SNTG1: variants seen among roughly 807,000 people sequenced by gnomAD.
SNTG1 encodes gamma-1-syntrophin.
SNTG1 carries 39 observed loss-of-function variants against 74.7 expected under a neutral mutation model. The observed-to-expected ratio is 0.52, with a 90% confidence interval of 0.40 to 0.68. SNTG1 has a LOEUF of 0.68. SNTG1 is among the 30% of genes least tolerant of loss of function. SNTG1 has a pLI of 0.00. For missense variants in SNTG1, 685 were observed against 609.5 expected, an observed-to-expected ratio of 1.12 and a Z score of -1.30; for synonymous variants, 254 against 217.1, an observed-to-expected ratio of 1.17 and a Z score of -1.49.
intron 4 of SNTG1, among the ~76,000 whole-genome samples, chr8:50,416,133 A>C (rs143953191): frequency 3.9e-4 from 59 of 152,324 alleles, no homozygotes; most frequent in Non-Finnish European, 2.9e-4. Context: ...AATCTTAAAC[A>C]AAATGTCCCA....
chr8:50,351,933 C>T (rs2091673879), intron 2 of SNTG1, among the ~76,000 whole-genome samples: 1 of 152,124 alleles, frequency 6.6e-6, no homozygotes, highest in South Asian at 2.1e-4. Flanking sequence ...TATTGAGAAC[C>T]TACAAGTTAA....
intron 3 of SNTG1, among the ~76,000 whole-genome samples, chr8:50,394,843 T>A (rs1018990758): frequency 9.1e-6 from 1 of 110,468 alleles, no homozygotes; most frequent in African/African-American, 3.6e-5. Flanking sequence ...GAAGAAAAAC[T>A]AACTTTTTTT....
intron 2 of SNTG1, among the ~76,000 whole-genome samples, chr8:50,260,416 C>A (rs1009129773): frequency 2.6e-5 from 4 of 151,970 alleles, no homozygotes; most frequent in Non-Finnish European, 5.9e-5. Flanking sequence ...AAGCACGGGA[C>A]TATAGTACAC....
intron 2 of SNTG1, among the ~76,000 whole-genome samples, chr8:50,359,421 G>A (rs1587303221): frequency 1.3e-5 from 2 of 152,166 alleles, no homozygotes; most frequent in African/African-American, 4.8e-5. Context: ...TAAACCGCTG[G>A]CATTTAAGTG....
At position 50,656,916 on chromosome 8, in the gene SNTG1, A is replaced by G. The variant is rs1303867613; in HGVS notation, c.857A>G (p.Tyr286Cys). Reference sequence around the variant, plus strand: ...TATTCCATTTTCTTGCAGATTGTCTACATGGGCTGGTGTGAAGCCCGGGAG... The same window carrying G: ...TATTCCATTTTCTTGCAGATTGTCTGCATGGGCTGGTGTGAAGCCCGGGAG... ...RNFPVNQQIVYMGWCEAREQD... is the reference protein window; with the variant it reads ...RNFPVNQQIVCMGWCEAREQD... Residue 286 changes from tyrosine (Y) to cysteine (C), a missense_variant, in exon 14 of 19, where the codon TAC becomes TGC. Physicochemically the swap from Tyr to Cys is radical, Grantham distance 194. Coordinates refer to ENST00000642720, the MANE Select transcript of SNTG1 (RefSeq NM_018967.5). 4.4e-6 allele frequency: 7 copies of G among 1,603,666 alleles called. No homozygotes were observed. In the Admixed American group the frequency reaches 6.8e-5, roughly 15 times the overall value.
intron 13 of SNTG1, among the ~76,000 whole-genome samples, chr8:50,619,655 C>T (rs1479117278): frequency 3.4e-5 from 5 of 147,832 alleles, no homozygotes; most frequent in Non-Finnish European, 4.4e-5. Flanking sequence ...GGCATGAACC[C>T]GGGAGGCGGA....
intron 1 of SNTG1, among the ~76,000 whole-genome samples, chr8:49,999,775 C>T (rs779016505): frequency 3.3e-5 from 5 of 152,082 alleles, no homozygotes; most frequent in African/African-American, 7.2e-5. Flanking sequence ...TTCCTGTTTC[C>T]ACCTTCTGCT....
chr8:50,685,939 G>A (rs997413807), intron 15 of SNTG1, among the ~76,000 whole-genome samples: 4 of 152,132 alleles, frequency 2.6e-5, no homozygotes, highest in Non-Finnish European at 5.9e-5. Flanking sequence ...ATCACACTGT[G>A]TTATAGAGAC....
intron 17 of SNTG1, among the ~76,000 whole-genome samples, chr8:50,746,009 C>A (rs983977265): frequency 6.6e-5 from 10 of 151,844 alleles, no homozygotes; most frequent in African/African-American, 2.4e-4. Flanking sequence ...ATGTAAAAAT[C>A]ATTACGATGC....
At chr8:50,009,091 A>G (rs1815524904) in intron 1 of SNTG1, among the ~76,000 whole-genome samples, 1 of 152,118 alleles carries the variant, frequency 6.6e-6, no homozygotes, top group Non-Finnish European at 1.5e-5. Context: ...GCTTATTTGT[A>G]AGGATAATAT....
intron 1 of SNTG1, among the ~76,000 whole-genome samples, chr8:49,944,305 T>G (rs958440001): frequency 6.6e-6 from 1 of 152,088 alleles, no homozygotes; most frequent in Non-Finnish European, 1.5e-5. Flanking sequence ...AGAATTCTAT[T>G]TCAGGGATTA....
intron 13 of SNTG1, among the ~76,000 whole-genome samples, chr8:50,645,412 C>A (rs2131198383): frequency 6.6e-6 from 1 of 152,122 alleles, no homozygotes; most frequent in African/African-American, 2.4e-5. Flanking sequence ...GTTTTAAAGT[C>A]TGTCTGGTCC....
At chr8:50,330,384 G>T (rs1011167171) in intron 2 of SNTG1, among the ~76,000 whole-genome samples, 3 of 151,928 alleles carry the variant, frequency 2.0e-5, no homozygotes, top group Non-Finnish European at 4.4e-5. Context: ...TGTCAGGTTT[G>T]TCTTTATTTG....
intron 2 of SNTG1, chr8:50,381,200 T>C (rs2092473228): frequency 1.3e-5 from 2 of 152,126 alleles, no homozygotes; most frequent in African/African-American, 2.4e-5. Context: ...ATTTTAAAAA[T>C]TATTTTCATA....
chr8:49,971,818 G>A (rs952311215), intron 1 of SNTG1, among the ~76,000 whole-genome samples: 2 of 152,078 alleles, frequency 1.3e-5, no homozygotes, highest in Non-Finnish European at 2.9e-5. Flanking sequence ...GGGAAGTGAA[G>A]GACCTCTTCA....
chr8:50,597,422 C>CATATATACAT (rs370823464), intron 13 of SNTG1, among the ~76,000 whole-genome samples: 12 of 134,414 alleles, frequency 8.9e-5, no homozygotes, highest in Non-Finnish European at 1.8e-4. Context: ...TACATATATA[C>CATATATACAT]ATATATATAT....
chr8:50,435,228 C>T (rs528799494), intron 4 of SNTG1, among the ~76,000 whole-genome samples: 8 of 151,788 alleles, frequency 5.3e-5, no homozygotes, highest in African/African-American at 9.7e-5. Flanking sequence ...ATTTTTGTAA[C>T]GAAAAAGAAG....
intron 1 of SNTG1, among the ~76,000 whole-genome samples, chr8:50,112,111 T>C (rs934083833): frequency 4.6e-5 from 7 of 152,138 alleles, no homozygotes; most frequent in Admixed American, 4.6e-4. Context: ...TTTTTCATCA[T>C]CCAAAGAATT....
intron 2 of SNTG1, among the ~76,000 whole-genome samples, chr8:50,357,586 G>T (rs535148133): frequency 6.6e-6 from 1 of 152,268 alleles, no homozygotes; most frequent in African/African-American, 2.4e-5. Flanking sequence ...TGTGCAGTAA[G>T]ACTGGACTTC....
Sources: gnomAD v4.1 joint callset for allele counts (sites outside exome capture counted in the v4.1 genomes callset) on GRCh38, gnomAD v4.1.1 for gene constraint, MANE v1.5 for transcripts, NCBI Gene and HGNC (gene_info 2026-07-23, HGNC 2026-07-21) for gene names.